Variants in PRTFDC1 observed in about 807,000 individuals in gnomAD.
PRTFDC1 encodes the protein phosphoribosyl transferase domain containing 1, also known as phosphoribosyltransferase domain-containing protein 1.
Under a neutral mutation model 34.6 loss-of-function variants are expected in PRTFDC1, and 38 were observed. The observed-to-expected ratio is 1.10, with a 90% CI of 0.85 to 1.44. The LOEUF (loss-of-function observed/expected upper bound fraction) is 1.44, where lower values mean the gene tolerates loss of function less well. Among genes scored for constraint, PRTFDC1 ranks in the 40% most tolerant of loss-of-function variants. The pLI is 0.00. For missense variants in PRTFDC1, 270 were observed against 283.0 expected (o/e 0.95, Z 0.33); for synonymous variants, 93 against 98.1 (o/e 0.95, Z 0.31).
At chr10:24,865,873 C>T (rs1161612554) in intron 4 of PRTFDC1, among the ~76,000 whole-genome samples, 6 of 151,988 alleles carry the variant, frequency 3.9e-5, no homozygotes, top group African/African-American at 1.5e-4. Flanking sequence ...GAATATAAAC[C>T]CCATGGAAAA....
Position 24,921,592 on chromosome 10 carries a change from C to T in PRTFDC1, c.339+15592G>A, listed in dbSNP as rs75893600. Among the ~76,000 whole-genome samples the T allele has an allele frequency of 1.2e-4, 19 of 152,060 alleles. No homozygotes were observed. The East Asian group carries it at 3.5e-3, about 28-fold the overall frequency. On this transcript the variant is annotated intron_variant, in intron 3 of 8. Transcript: ENST00000320152. ...CCTGCCTAGTCATTCCTCTCTGTGG[C>T]GTGGGCTGTGGGGGCCCTTGACGTA...
intron 3 of PRTFDC1, among the ~76,000 whole-genome samples, chr10:24,888,253 C>A (rs1848203000): frequency 6.6e-6 from 1 of 152,206 alleles, no homozygotes; most frequent in African/African-American, 2.4e-5. Flanking sequence ...CTGAACAGGG[C>A]CTTGGACATA....
At chr10:24,878,721 G>GA (rs1453715068) in intron 3 of PRTFDC1, among the ~76,000 whole-genome samples, 4 of 151,958 alleles carry the variant, frequency 2.6e-5, no homozygotes, top group African/African-American at 9.7e-5. Context: ...GAACATTCAG[G>GA]AAAAAAACAA....
chr10:24,905,904 C>T (rs1848527105), intron 3 of PRTFDC1, among the ~76,000 whole-genome samples: 1 of 152,162 alleles, frequency 6.6e-6, no homozygotes, highest in African/African-American at 2.4e-5. Context: ...TCTCACCACT[C>T]CCCTTCCCAG....
intron 3 of PRTFDC1, among the ~76,000 whole-genome samples, chr10:24,908,124 GT>G (rs1260986922): frequency 7.6e-6 from 1 of 131,460 alleles, no homozygotes; most frequent in Non-Finnish European, 1.7e-5. Context: ...GCCTTTTATA[GT>G]AAGTTTCACT....
In PRTFDC1 at chr10:24,898,463, CAAAA is replaced by C. The variant is rs36004025; in HGVS notation, c.340-26404_340-26401del. ...CGGGTGACAGAATGAGACCCTGTCT[CAAAA>C]AAAAAAAAAAAAAAGGAATGAAGAG... On this transcript the variant is annotated intron_variant, in intron 3 of 8. Coordinates refer to ENST00000320152, the MANE Select transcript of PRTFDC1 (RefSeq NM_020200.7). Among the ~76,000 whole-genome samples, 7 of 98,098 alleles carry C rather than the reference CAAAA, an allele frequency of 7.1e-5. 1 individual carries two copies. The East Asian group carries it at 2.1e-3, about 29-fold the overall frequency. The allele number at this position is 98,098 out of a possible 152,430, so 64.4% of individuals were successfully genotyped here.
intron 4 of PRTFDC1, among the ~76,000 whole-genome samples, chr10:24,870,890 G>A (rs1847857564): frequency 1.3e-5 from 2 of 151,792 alleles, no homozygotes; most frequent in South Asian, 2.1e-4. Flanking sequence ...TGGCCAACAT[G>A]GTGAAACCCC....
At chr10:24,867,654 T>C (rs970486507) in intron 4 of PRTFDC1, 12 of 152,216 alleles carry the variant, frequency 7.9e-5, no homozygotes, top group African/African-American at 2.9e-4. Context: ...CCATTCCATA[T>C]TTTTATTTTT....
chr10:24,925,996 C>T (rs1038984744), intron 3 of PRTFDC1, among the ~76,000 whole-genome samples: 1 of 152,180 alleles, frequency 6.6e-6, no homozygotes, highest in Non-Finnish European at 1.5e-5. Flanking sequence ...CCTGTGCCCA[C>T]GTCTCTTCCT....
At chr10:24,895,688 G>GAAATAT (rs1491335198) in intron 3 of PRTFDC1, among the ~76,000 whole-genome samples, 1 of 47,380 alleles carries the variant, frequency 2.1e-5, no homozygotes, top group Non-Finnish European at 4.2e-5. Flanking sequence ...AGCTGGGGTG[G>GAAATAT]ATATATATAT....
intron 3 of PRTFDC1, among the ~76,000 whole-genome samples, chr10:24,889,988 C>T (rs1028559930): frequency 6.6e-6 from 1 of 152,186 alleles, no homozygotes; most frequent in Non-Finnish European, 1.5e-5. Context: ...AAACACTGCA[C>T]ATCTGTCTGT....
chr10:24,893,523 T>C lies in PRTFDC1; in HGVS notation c.340-21460A>G, dbSNP rs530265067. On this transcript the variant is annotated intron_variant, in intron 3 of 8. Coordinates refer to ENST00000320152, the MANE Select transcript of PRTFDC1 (RefSeq NM_020200.7). Reference sequence around the variant, plus strand: ...ACAGGTCTCAATAGGTTGCCCAGGCTGGTCTCAAACTCCTGGCCTCAAGTG... The same window carrying C: ...ACAGGTCTCAATAGGTTGCCCAGGCCGGTCTCAAACTCCTGGCCTCAAGTG... 2.0e-5 allele frequency among the ~76,000 whole-genome samples: 3 copies of C among 152,286 alleles called. No homozygotes were observed. The South Asian group carries it at 6.2e-4, about 32-fold the overall frequency.
intron 3 of PRTFDC1, chr10:24,908,404 T>C: frequency 6.9e-7 from 1 of 1,446,910 alleles, no homozygotes; most frequent in Non-Finnish European, 9.3e-7. Context: ...AGACACAGTG[T>C]CCAGTTTCTT....
intron 2 of PRTFDC1, among the ~76,000 whole-genome samples, chr10:24,938,968 A>C (rs1419892489): frequency 6.6e-6 from 1 of 152,172 alleles, no homozygotes; most frequent in Non-Finnish European, 1.5e-5. Flanking sequence ...TGTAGGCCAA[A>C]CACTAAGCTA....
intron 3 of PRTFDC1, among the ~76,000 whole-genome samples, chr10:24,879,781 A>G (rs1286794902): frequency 1.3e-5 from 2 of 152,230 alleles, no homozygotes; most frequent in East Asian, 1.9e-4. Context: ...AAGGACTGCA[A>G]TTACTTTTGC....
intron 1 of PRTFDC1, among the ~76,000 whole-genome samples, chr10:24,942,805 G>A (rs990594417): frequency 1.3e-5 from 2 of 152,002 alleles, no homozygotes; most frequent in African/African-American, 4.8e-5. Context: ...GTGCCACTAC[G>A]CCCAGATAAT....
intron 4 of PRTFDC1, among the ~76,000 whole-genome samples, chr10:24,870,719 T>A (rs993880265): frequency 1.3e-5 from 2 of 152,158 alleles, no homozygotes; most frequent in Non-Finnish European, 2.9e-5. Context: ...CTGATTTTTA[T>A]GGAACACAAT....
At chr10:24,854,092 A>G (rs911206935) in intron 7 of PRTFDC1, among the ~76,000 whole-genome samples, 1 of 152,242 alleles carries the variant, frequency 6.6e-6, no homozygotes, top group Non-Finnish European at 1.5e-5. Context: ...CTCTTAGAAT[A>G]GTGCATGGCA....
intron 3 of PRTFDC1, among the ~76,000 whole-genome samples, chr10:24,925,378 G>T (rs533782083): frequency 6.6e-6 from 1 of 152,184 alleles, no homozygotes; most frequent in African/African-American, 2.4e-5. Flanking sequence ...TGTAAATGTC[G>T]AGTCAATGGG....
Sources: allele counts gnomAD v4.1 joint callset (sites outside exome capture counted in the v4.1 genomes callset), GRCh38; gene constraint gnomAD v4.1.1; transcripts MANE v1.5; gene names NCBI Gene and HGNC (gene_info 2026-07-23, HGNC 2026-07-21).